Variants in WWP1 observed in about 807,000 individuals in gnomAD.
The protein encoded by WWP1 is NEDD4-like E3 ubiquitin-protein ligase WWP1.
Under a neutral mutation model 130.6 loss-of-function variants are expected in WWP1, and 49 were observed. The ratio of observed to expected loss-of-function variants is 0.38; its 90% CI spans 0.30 to 0.48. The LOEUF (loss-of-function observed/expected upper bound fraction) is 0.48. Among genes scored for constraint, WWP1 ranks in the 20% least tolerant of loss-of-function variants. The pLI is 0.99. For missense variants in WWP1, 809 were observed against 1,100.6 expected (o/e 0.74, Z 3.75); for synonymous variants, 332 against 367.8 (o/e 0.90, Z 1.11).
chr8:86,390,562 C>T (rs1807257752), intron 5 of WWP1, among the ~76,000 whole-genome samples: 1 of 152,264 alleles, frequency 6.6e-6, no homozygotes, highest in Non-Finnish European at 1.5e-5. Context: ...GGCGTGGCAG[C>T]GGGCGCCTGC....
intron 1 of WWP1, among the ~76,000 whole-genome samples, chr8:86,362,163 C>CGTATATATATAT (rs1554554005): frequency 1.7e-5 from 1 of 59,028 alleles, no homozygotes; most frequent in Admixed American, 2.0e-4. Flanking sequence ...ATATACAAGG[C>CGTATATATATAT]ATATATATAT....
At chr8:86,390,055 C>T (rs879264415) in intron 5 of WWP1, among the ~76,000 whole-genome samples, 18 of 151,280 alleles carry the variant, frequency 1.2e-4, no homozygotes, top group African/African-American at 2.7e-4. Context: ...AGATCCCAGA[C>T]GGGGTCGCAG....
intron 22 of WWP1, among the ~76,000 whole-genome samples, chr8:86,461,012 T>C (rs1215006267): frequency 2.0e-5 from 3 of 151,924 alleles, no homozygotes; most frequent in African/African-American, 7.2e-5. Flanking sequence ...GGTTTCACCA[T>C]GTTAGCCAGG....
chr8:86,416,536 T>C (rs1435201707), intron 9 of WWP1, among the ~76,000 whole-genome samples: 2 of 152,184 alleles, frequency 1.3e-5, no homozygotes, highest in African/African-American at 4.8e-5. Context: ...CAAATTTTAT[T>C]ATTTTTATTG....
chr8:86,450,738 T>C (rs1457578535), intron 20 of WWP1, among the ~76,000 whole-genome samples: 1 of 152,190 alleles, frequency 6.6e-6, no homozygotes, highest in East Asian at 1.9e-4. Context: ...GATAACACTC[T>C]TGTTTAGTTG....
At chr8:86,353,433 T>G (rs1823061406) in intron 1 of WWP1, among the ~76,000 whole-genome samples, 1 of 152,160 alleles carries the variant, frequency 6.6e-6, no homozygotes, top group Non-Finnish European at 1.5e-5. Context: ...ACCCATGATT[T>G]ATTTTTTCTC....
intron 3 of WWP1, among the ~76,000 whole-genome samples, chr8:86,375,010 C>G (rs1824546704): frequency 6.6e-6 from 1 of 152,100 alleles, no homozygotes; most frequent in Admixed American, 6.6e-5. Flanking sequence ...ACTCTCTCCT[C>G]TTAATCAAAA....
At chr8:86,416,894 G>A (rs573585301) in intron 9 of WWP1, among the ~76,000 whole-genome samples, 3 of 152,266 alleles carry the variant, frequency 2.0e-5, no homozygotes, top group South Asian at 4.1e-4. Context: ...CAAAGCCAGA[G>A]CAGCCCCCTT....
chr8:86,398,734 C>T lies in WWP1; in HGVS notation c.539+96C>T, dbSNP rs75663123. 6.4e-3 allele frequency: 8,706 copies of T among 1,367,138 alleles called. 322 individuals carry two copies. In the East Asian group the frequency reaches 0.11, roughly 17 times the overall value. The allele number at this position is 1,367,138 out of a possible 1,614,324, so 84.7% of individuals were successfully genotyped here. A position where few individuals can be genotyped will look rare whatever the true frequency, so the allele number is the denominator to read the frequency against. ...TTTTACCTTAGTTTAGAATTTGCCA[C>T]ACAGTTTAGAAGCTTATGTCTAAGC... On this transcript the variant is annotated intron_variant, in intron 7 of 24. Transcript: ENST00000517970.
intron 5 of WWP1, among the ~76,000 whole-genome samples, chr8:86,382,359 T>C (rs1201618889): frequency 6.6e-6 from 1 of 152,224 alleles, no homozygotes; most frequent in African/African-American, 2.4e-5. Context: ...AGAGGGTTCA[T>C]AGCTTTTATC....
rs533586591 is a variant in WWP1, at chr8:86,420,221, G to C, written c.1062-5002G>C. Reference sequence around the variant, plus strand: ...CTGGCCTCAGACAGCACTCACTCTAGACTAGAAGCTAATCAGAAGGCAGGT... The same window carrying C: ...CTGGCCTCAGACAGCACTCACTCTACACTAGAAGCTAATCAGAAGGCAGGT... On this transcript the variant is annotated intron_variant, in intron 9 of 24. Transcript: ENST00000517970. 1.2e-4 allele frequency among the ~76,000 whole-genome samples: 19 copies of C among 152,292 alleles called. No individual in the cohort carries two copies. In the South Asian group the frequency reaches 3.1e-3, roughly 25 times the overall value.
At chr8:86,366,994 G>T (rs1444008382) in intron 1 of WWP1, among the ~76,000 whole-genome samples, 2 of 152,174 alleles carry the variant, frequency 1.3e-5, no homozygotes, top group Non-Finnish European at 2.9e-5. Flanking sequence ...GGGGGAGACT[G>T]CATGGTTCAT....
intron 3 of WWP1, among the ~76,000 whole-genome samples, chr8:86,377,291 T>A (rs1306895688): frequency 6.6e-6 from 1 of 150,840 alleles, no homozygotes; most frequent in Non-Finnish European, 1.5e-5. Flanking sequence ...AGATACGGGG[T>A]TTCACCGTGT....
intron 9 of WWP1, among the ~76,000 whole-genome samples, chr8:86,421,595 C>G (rs999525719): frequency 2.0e-5 from 3 of 152,092 alleles, no homozygotes; most frequent in Middle Eastern, 6.8e-3. Flanking sequence ...GAGGCCGAGG[C>G]GGAAGGATCA....
intron 16 of WWP1, 93 bp from the exon 17 acceptor site, chr8:86,438,492 T>A (rs1016638946): frequency 3.1e-6 from 3 of 959,614 alleles, no homozygotes; most frequent in Admixed American, 3.2e-5. Flanking sequence ...AGGAAATGTG[T>A]TATTTTGAAA....
At chr8:86,394,820 T>C (rs953633882) in intron 5 of WWP1, among the ~76,000 whole-genome samples, 1 of 151,672 alleles carries the variant, frequency 6.6e-6, no homozygotes, top group African/African-American at 2.4e-5. Flanking sequence ...TGTTCAGAAT[T>C]GTGAAATAAT....
intron 5 of WWP1, among the ~76,000 whole-genome samples, chr8:86,391,523 C>A (rs1004914905): frequency 6.6e-6 from 1 of 150,772 alleles, no homozygotes. Context: ...AAAAAAAAAT[C>A]CCTCTATTGT....
chr8:86,431,807 A>G, intron 14 of WWP1, 64 bp downstream of exon 14: 1 of 1,589,000 alleles, frequency 6.3e-7, no homozygotes. Context: ...TTTAGTCTCT[A>G]ATTTATCCTC....
At chr8:86,462,472 G>C (rs1436003344) in intron 24 of WWP1, among the ~76,000 whole-genome samples, 1 of 152,170 alleles carries the variant, frequency 6.6e-6, no homozygotes, top group Non-Finnish European at 1.5e-5. Context: ...GGGGATGTAG[G>C]CAGGGACTAA....
Sources: allele counts gnomAD v4.1 joint callset (sites outside exome capture counted in the v4.1 genomes callset), GRCh38; gene constraint gnomAD v4.1.1; transcripts MANE v1.5; gene names NCBI Gene and HGNC (gene_info 2026-07-23, HGNC 2026-07-21).